Variants in PRRG1 observed in about 807,000 individuals in gnomAD.
PRRG1 encodes the protein transmembrane gamma-carboxyglutamic acid protein 1.
Under a neutral mutation model 11.8 loss-of-function variants are expected in PRRG1, and 5 were observed. The observed-to-expected ratio is 0.42, with a 90% confidence interval of 0.22 to 0.89. PRRG1 has a LOEUF of 0.89. Among genes scored for constraint, PRRG1 ranks in the 40% least tolerant of loss-of-function variants. PRRG1 has a pLI of 0.28. For synonymous variants in PRRG1, 66 were observed against 60.4 expected, an observed-to-expected ratio of 1.09 and a Z score of -0.43; for missense variants, 155 against 166.1, an observed-to-expected ratio of 0.93 and a Z score of 0.37.
intron 1 of PRRG1, among the ~76,000 whole-genome samples, chrX:37,391,300 A>G (rs868931723): frequency 4.5e-5 from 5 of 111,528 alleles, no homozygotes; most frequent in Non-Finnish European, 7.5e-5. Flanking sequence ...TTTCTGACCC[A>G]TACTTGTCTT....
At position 37,414,075 on chromosome X, in the gene PRRG1, A is replaced by G. The variant is rs549955328; in HGVS notation, c.10+7816A>G. 9.2e-4 allele frequency among the ~76,000 whole-genome samples: 103 copies of G among 111,986 alleles called. 1 individual carries two copies. In the South Asian group the frequency reaches 0.037, roughly 41 times the overall value. On this transcript the variant is annotated intron_variant, in intron 2 of 3. Transcript: ENST00000378628. The stretch of plus-strand genomic sequence containing the variant: ...AAAATCACCTAACGATGCATTTCTC[A>G]TGATGCATCCTGCCGTTAAGCGACA...
chrX:37,397,166 T>C (rs954962735), intron 1 of PRRG1, among the ~76,000 whole-genome samples: 4 of 112,874 alleles, frequency 3.5e-5, no homozygotes, highest in Non-Finnish European at 7.5e-5. Context: ...TTAATAGTTA[T>C]GTATTTTATA....
chrX:37,366,746 C>T (rs1389174533), intron 1 of PRRG1, among the ~76,000 whole-genome samples: 3 of 111,728 alleles, frequency 2.7e-5, no homozygotes, highest in East Asian at 2.8e-4. Flanking sequence ...ATGGGATATT[C>T]CTTGAGCCTT....
chrX:37,395,915 A>T (rs1272633568), intron 1 of PRRG1, among the ~76,000 whole-genome samples: 2 of 111,914 alleles, frequency 1.8e-5, no homozygotes, highest in Non-Finnish European at 3.8e-5. Context: ...ACTGTATATT[A>T]TACAGTGGTA....
chrX:37,388,111 C>G (rs1213703753), intron 1 of PRRG1, among the ~76,000 whole-genome samples: 3 of 111,960 alleles, frequency 2.7e-5, no homozygotes, highest in African/African-American at 9.8e-5. Flanking sequence ...CCCAGTGATA[C>G]AAGGCGTGGG....
At chrX:37,374,196 A>G (rs1601978072) in intron 1 of PRRG1, among the ~76,000 whole-genome samples, 2 of 111,219 alleles carry the variant, frequency 1.8e-5, no homozygotes, top group South Asian at 7.5e-4. Flanking sequence ...GTATTTTTGC[A>G]TTTGTGTTCG....
At chrX:37,372,962 T>C (rs1232093430) in intron 1 of PRRG1, among the ~76,000 whole-genome samples, 3 of 112,537 alleles carry the variant, frequency 2.7e-5, no homozygotes, top group Non-Finnish European at 5.6e-5. Flanking sequence ...CATTATGAGT[T>C]GATTATTGTA....
chrX:37,441,857 A>G (rs782167521), intron 3 of PRRG1: 14 of 779,677 alleles, frequency 1.8e-5, no homozygotes, highest in Middle Eastern at 5.4e-4. Context: ...AAGAGTGTCA[A>G]CCAGAGCCTC....
At chrX:37,369,275 C>T (rs995950917) in intron 1 of PRRG1, among the ~76,000 whole-genome samples, 1 of 111,769 alleles carries the variant, frequency 8.9e-6, no homozygotes, top group African/African-American at 3.3e-5. Flanking sequence ...TTTCACACTT[C>T]AGTGATATTT....
chrX:37,426,132 A>G, intron 3 of PRRG1, 132 bp downstream of exon 3: 1 of 686,053 alleles, frequency 1.5e-6, no homozygotes, highest in Non-Finnish European at 2.1e-6. Context: ...GGAAAATGGC[A>G]TCTAACTAGT....
chrX:37,446,340 G>T (rs1333486016), intron 3 of PRRG1, among the ~76,000 whole-genome samples: 1 of 111,519 alleles, frequency 9.0e-6, no homozygotes, highest in Non-Finnish European at 1.9e-5. Flanking sequence ...GTCTACACAG[G>T]TTCCTAAACT....
At chrX:37,392,337 A>G (rs1931565878) in intron 1 of PRRG1, among the ~76,000 whole-genome samples, 1 of 109,620 alleles carries the variant, frequency 9.1e-6, no homozygotes, top group African/African-American at 3.3e-5. Context: ...TTACTGAAAA[A>G]GCCAACTGAC....
intron 1 of PRRG1, among the ~76,000 whole-genome samples, chrX:37,395,634 T>C (rs2146562006): frequency 9.5e-6 from 1 of 105,520 alleles, no homozygotes; most frequent in African/African-American, 3.5e-5. Context: ...AAAAAAGATA[T>C]CAAAACATCA....
chrX:37,433,350 G>A (rs1271301199), intron 3 of PRRG1, among the ~76,000 whole-genome samples: 1 of 111,226 alleles, frequency 9.0e-6, no homozygotes, highest in African/African-American at 3.3e-5. Flanking sequence ...TGGCTTTCTT[G>A]TGCGTCCTCA....
At chrX:37,364,593 A>AT (rs782054601) in intron 1 of PRRG1, among the ~76,000 whole-genome samples, 2 of 111,115 alleles carry the variant, frequency 1.8e-5, no homozygotes, top group African/African-American at 6.6e-5. Context: ...GCTTGTGTGG[A>AT]TTTTTTCCCC....
intron 2 of PRRG1, among the ~76,000 whole-genome samples, chrX:37,415,751 A>G (rs1035995548): frequency 8.9e-6 from 1 of 111,873 alleles, no homozygotes; most frequent in Non-Finnish European, 1.9e-5. Context: ...CATATAACTT[A>G]TTATATAAAC....
intron 2 of PRRG1, among the ~76,000 whole-genome samples, chrX:37,415,135 G>A (rs1177200027): frequency 1.8e-5 from 2 of 112,287 alleles, no homozygotes; most frequent in East Asian, 2.8e-4. Flanking sequence ...GCAGCCAGAC[G>A]CGGTGGCTCA....
At chrX:37,365,348 C>A (rs1336501796) in intron 1 of PRRG1, among the ~76,000 whole-genome samples, 2 of 111,276 alleles carry the variant, frequency 1.8e-5, no homozygotes, top group African/African-American at 6.5e-5. Flanking sequence ...GAGCATGGCA[C>A]CAGGAAGTGA....
chrX:37,433,816 G>A (rs1316945635), intron 3 of PRRG1, among the ~76,000 whole-genome samples: 2 of 111,900 alleles, frequency 1.8e-5, no homozygotes, highest in Non-Finnish European at 3.8e-5. Flanking sequence ...ACTTTAAAAT[G>A]GTTTTTATTA....
Sources: allele counts gnomAD v4.1 joint callset (sites outside exome capture counted in the v4.1 genomes callset), GRCh38; gene constraint gnomAD v4.1.1; transcripts MANE v1.5; gene names NCBI Gene and HGNC (gene_info 2026-07-23, HGNC 2026-07-21).